Variants in GRK5 observed in about 807,000 individuals in gnomAD.
GRK5 encodes G protein-coupled receptor kinase 5.
In GRK5, 40 loss-of-function variants were observed where a neutral mutation model predicts 78.4. The observed-to-expected ratio is 0.51, with a 90% CI of 0.40 to 0.66. GRK5 has a LOEUF of 0.66. GRK5 is among the 30% of genes least tolerant of loss of function. The probability of loss-of-function intolerance (pLI) is 0.00; values close to 1 mark genes in which losing one functional copy is unlikely to be tolerated. For missense variants in GRK5, 598 were observed against 759.9 expected, an observed-to-expected ratio of 0.79 and a Z score of 2.50; for synonymous variants, 289 against 296.8, an observed-to-expected ratio of 0.97 and a Z score of 0.27.
At chr10:119,216,096 A>G (rs934083705) in intron 1 of GRK5, among the ~76,000 whole-genome samples, 2 of 152,214 alleles carry the variant, frequency 1.3e-5, no homozygotes, top group African/African-American at 4.8e-5. Context: ...GAGCACACTT[A>G]GAAAGAAAGT....
chr10:119,350,445 C>T (rs1052409098), intron 2 of GRK5, among the ~76,000 whole-genome samples: 4 of 152,180 alleles, frequency 2.6e-5, no homozygotes, highest in Admixed American at 1.3e-4. Flanking sequence ...TTTTCCATTG[C>T]TCAAAAGTGT....
intron 8 of GRK5, among the ~76,000 whole-genome samples, chr10:119,433,759 C>G (rs1477138083): frequency 1.3e-5 from 2 of 152,236 alleles, no homozygotes; most frequent in Admixed American, 6.5e-5. Flanking sequence ...ATTTGCCCCT[C>G]CTGCCCCACC....
In GRK5 at chr10:119,253,335, C is replaced by T. The variant is rs1849231427; in HGVS notation, c.52+45366C>T. Among the ~76,000 whole-genome samples the T allele has an allele frequency of 6.6e-6, 1 of 152,200 alleles. No individual in the cohort carries two copies. Among genetic ancestry groups the T allele is most frequent in the Admixed American group, 6.5e-5 (1 of 15,282 alleles). ...TTAGAAAAGGAATTACATCAGGTCA[C>T]TGATGTCTTCTCCTAACTCAGTGAT... is the stretch of plus-strand genomic sequence containing the variant. On this transcript the variant is annotated intron_variant, in intron 1 of 15. Coordinates refer to ENST00000392870, the MANE Select transcript of GRK5 (RefSeq NM_005308.3). The surrounding 1 kb of genome is among the most constrained non-coding windows in gnomAD (Gnocchi z 5.7).
At chr10:119,364,478 A>G (rs1421153165) in intron 2 of GRK5, among the ~76,000 whole-genome samples, 2 of 152,298 alleles carry the variant, frequency 1.3e-5, no homozygotes, top group East Asian at 1.9e-4. Flanking sequence ...GCCATGCCAT[A>G]TACTTTCTGA....
chr10:119,436,876 G>A, intron 9 of GRK5, 35 bp downstream of exon 9: 1 of 1,550,226 alleles, frequency 6.5e-7, no homozygotes, highest in Non-Finnish European at 8.7e-7. Context: ...CCAAGTCTAA[G>A]TCCGAGGGGG....
chr10:119,298,480 A>T (rs1479914280), intron 1 of GRK5, among the ~76,000 whole-genome samples: 1 of 152,144 alleles, frequency 6.6e-6, no homozygotes, highest in Non-Finnish European at 1.5e-5. Context: ...ATCTCTCTTG[A>T]TGCCATTGAC....
chr10:119,207,912 CTGTCAA>C lies in GRK5; in HGVS notation c.-3_3del. The C allele has an allele frequency of 6.3e-7, 1 of 1,598,860 alleles. No individual in the cohort carries two copies. The highest frequency in any genetic ancestry group is 8.5e-7 in the Non-Finnish European group (1 of 1,174,270). Reference sequence around the variant, plus strand: ...GGCCGGCTCCGTTGCTGACCGCCGACTGTCAATGGAGCTGGAAAACATCGTGGCCAA... The same window carrying C: ...GGCCGGCTCCGTTGCTGACCGCCGACTGGAGCTGGAAAACATCGTGGCCAA... On this transcript the variant is annotated start_lost and 5_prime_UTR_variant, in exon 1 of 16. Transcript: ENST00000392870.
intron 3 of GRK5, among the ~76,000 whole-genome samples, chr10:119,384,012 C>A (rs1240661345): frequency 6.6e-6 from 1 of 152,204 alleles, no homozygotes; most frequent in Admixed American, 6.5e-5. Context: ...CCGAGGCTGA[C>A]TTACCAGATC....
At chr10:119,330,838 C>T (rs929534238) in intron 2 of GRK5, among the ~76,000 whole-genome samples, 10 of 152,236 alleles carry the variant, frequency 6.6e-5, no homozygotes, top group African/African-American at 1.7e-4. Flanking sequence ...CTGGCCAACA[C>T]GGGGAAACCC....
intron 1 of GRK5, among the ~76,000 whole-genome samples, chr10:119,251,791 G>A (rs1849206976): frequency 6.6e-6 from 1 of 152,192 alleles, no homozygotes; most frequent in Non-Finnish European, 1.5e-5. Flanking sequence ...GTGGCCTTTA[G>A]CTTCATAGTT....
chr10:119,434,613 T>C (rs2133898924), intron 8 of GRK5, among the ~76,000 whole-genome samples: 1 of 152,392 alleles, frequency 6.6e-6, no homozygotes, highest in Admixed American at 6.5e-5. Context: ...TCCCACGGTC[T>C]TGGGCAGCTC....
chr10:119,337,587 T>A (rs532039877), intron 2 of GRK5, among the ~76,000 whole-genome samples: 2 of 152,284 alleles, frequency 1.3e-5, no homozygotes, highest in African/African-American at 4.8e-5. Context: ...CTTCTACCTG[T>A]GTGAATGTCT....
intron 6 of GRK5, among the ~76,000 whole-genome samples, chr10:119,429,817 C>T (rs528480929): frequency 6.6e-6 from 1 of 152,132 alleles, no homozygotes; most frequent in Non-Finnish European, 1.5e-5. Context: ...CCTCTGCCCC[C>T]TCCTGAGGCC....
intron 2 of GRK5, among the ~76,000 whole-genome samples, chr10:119,354,455 G>A (rs915209373): frequency 3.8e-5 from 5 of 132,836 alleles, no homozygotes; most frequent in Admixed American, 3.6e-4. Context: ...AGGCTGGAGT[G>A]CAGTGGCGCA....
chr10:119,425,172 C>T (rs541834517), intron 6 of GRK5, 87 bp downstream of exon 6: 88 of 969,470 alleles, frequency 9.1e-5, no homozygotes, highest in South Asian at 6.1e-4. Context: ...AGTTACCTCC[C>T]GTGGGCTCAT....
chr10:119,451,240 G>C (rs1274589230), intron 13 of GRK5, among the ~76,000 whole-genome samples: 1 of 151,506 alleles, frequency 6.6e-6, no homozygotes, highest in South Asian at 2.1e-4. Flanking sequence ...CACTTCCATT[G>C]ACTCTTTTTT....
At chr10:119,208,175 G>T (rs1306710459) in intron 1 of GRK5, among the ~76,000 whole-genome samples, 1 of 152,274 alleles carries the variant, frequency 6.6e-6, no homozygotes, top group East Asian at 1.9e-4. Context: ...GGCTGAGAAG[G>T]TTGCAGGGAT....
At position 119,445,164 on chromosome 10, in the gene GRK5, T is replaced by TAG. The variant is rs1853118403; in HGVS notation, c.1266+1412_1266+1413insAG. On this transcript the variant is annotated intron_variant, in intron 12 of 15. Coordinates refer to ENST00000392870, the MANE Select transcript of GRK5 (RefSeq NM_005308.3). This position sits in a 1 kb window ranked among gnomAD's most constrained non-coding sequence, Gnocchi z 4.1. ...ATGGTCATCGCAGCCAGGGCTAGGG[T>TAG]GGGGGGACCGGAGGAGCAGTGCAGC... Among the ~76,000 whole-genome samples, 1 of 151,514 alleles carries TAG rather than the reference T, an allele frequency of 6.6e-6. No homozygotes were observed. Among genetic ancestry groups the TAG allele is most frequent in the Non-Finnish European group, 1.5e-5 (1 of 67,860 alleles).
rs149604129 is a variant in GRK5, at chr10:119,301,755, G to T, written c.53-24761G>T. On this transcript the variant is annotated intron_variant, in intron 1 of 15. Coordinates refer to ENST00000392870, the MANE Select transcript of GRK5 (RefSeq NM_005308.3). ...CTGAATTCCTGGAAGTGCTCTTTTA[G>T]CTGCTTTTCTGATCCCTGAACAGCA... Among the ~76,000 whole-genome samples, 11 of 152,280 alleles carry T rather than the reference G, an allele frequency of 7.2e-5. No individual in the cohort carries two copies. The East Asian group carries it at 2.1e-3, about 29-fold the overall frequency.
Sources: allele counts gnomAD v4.1 joint callset (sites outside exome capture counted in the v4.1 genomes callset), GRCh38; gene constraint gnomAD v4.1.1; non-coding constraint Gnocchi (gnomAD v3.1); transcripts MANE v1.5; gene names NCBI Gene and HGNC (gene_info 2026-07-23, HGNC 2026-07-21).